COL21A1: variants seen among roughly 807,000 people sequenced by gnomAD.
The protein encoded by COL21A1 is collagen alpha-1(XXI) chain.
Under a neutral mutation model 137.9 loss-of-function variants are expected in COL21A1, and 149 were observed. That is an observed-to-expected ratio of 1.08 (90% CI 0.95 to 1.24). The LOEUF is 1.24. Among genes scored for constraint, COL21A1 ranks in the 50% most tolerant of loss-of-function variants. The probability of loss-of-function intolerance (pLI) is 0.00; values close to 1 mark genes in which losing one functional copy is unlikely to be tolerated. For missense variants in COL21A1, 1,167 were observed against 1,158.4 expected (o/e 1.01, Z -0.11); for synonymous variants, 456 against 391.5 (o/e 1.16, Z -1.95).
intron 12 of COL21A1, among the ~76,000 whole-genome samples, chr6:56,132,312 T>A (rs1773623149): frequency 6.6e-6 from 1 of 151,996 alleles, no homozygotes; most frequent in Non-Finnish European, 1.5e-5. Context: ...TGCAAAGGGA[T>A]CCTAACTGAA....
At chr6:56,169,883 T>G (rs911164704) in intron 5 of COL21A1, among the ~76,000 whole-genome samples, 1 of 151,930 alleles carries the variant, frequency 6.6e-6, no homozygotes, top group African/African-American at 2.4e-5. Context: ...TCTGGCACAC[T>G]GGCTTTAATG....
rs567234250 is a variant in COL21A1, at chr6:56,292,441, G to A, written c.-39+101530C>T. Among the ~76,000 whole-genome samples, 22 of 143,468 alleles carry A rather than the reference G, an allele frequency of 1.5e-4. 1 individual carries two copies. The highest frequency in any genetic ancestry group is 1.1e-3 in the South Asian group (5 of 4,482). 94.1% of individuals were successfully genotyped at this position (143,468 alleles called of 152,430 possible). ...AGTCTGGGTTCTTGAACTCACCAGG[G>A]AAATAGTAAGTCCAGGCATTAAGTT... On this transcript the variant is annotated intron_variant, in intron 1 of 28. Transcript: ENST00000370819.
chr6:56,233,293 C>T (rs1253827976), intron 1 of COL21A1, among the ~76,000 whole-genome samples: 8 of 151,604 alleles, frequency 5.3e-5, no homozygotes, highest in Admixed American at 4.0e-4. Context: ...AAATAGGCAA[C>T]AAATAAGAGT....
At chr6:56,361,879 C>T (rs1319023884) in intron 1 of COL21A1, among the ~76,000 whole-genome samples, 3 of 152,132 alleles carry the variant, frequency 2.0e-5, no homozygotes, top group South Asian at 2.1e-4. Flanking sequence ...GGAAGCACAG[C>T]TCAAAGTGTC....
Position 56,059,114 on chromosome 6 carries a change from T to C in COL21A1, c.2686+51A>G. Reference sequence around the variant, plus strand: ...ATTTCACATAGATCTATGATGACTTTTCTTAAAGCAAAATGAGCAGTAACA... The same window carrying C: ...ATTTCACATAGATCTATGATGACTTCTCTTAAAGCAAAATGAGCAGTAACA... On this transcript the variant is annotated intron_variant, in intron 29 of 29. Coordinates refer to ENST00000244728, the MANE Select transcript of COL21A1 (RefSeq NM_030820.4). 15 of 1,430,986 alleles carry C rather than the reference T, an allele frequency of 1.0e-5. No homozygotes were observed. The South Asian group carries it at 1.8e-4, about 17-fold the overall frequency. The allele number at this position is 1,430,986 out of a possible 1,614,324, so 88.6% of individuals were successfully genotyped here. A position where few individuals can be genotyped will look rare whatever the true frequency, so the allele number is the denominator to read the frequency against.
intron 1 of COL21A1, among the ~76,000 whole-genome samples, chr6:56,382,951 C>G (rs12202464): frequency 0.057 from 8,687 of 152,194 alleles, 333 homozygotes; most frequent in Non-Finnish European, 0.092. Context: ...ACATAGTCCC[C>G]CGACCCATAC....
In COL21A1 at chr6:56,107,046, G is replaced by A. The variant is rs528248404; in HGVS notation, c.1759-5521C>T. Among the ~76,000 whole-genome samples the A allele has an allele frequency of 3.6e-3, 550 of 151,984 alleles. 2 individuals are homozygous for A. Among genetic ancestry groups the A allele is most frequent in the African/African-American group, 0.013 (520 of 41,476 alleles). Reference sequence around the variant, plus strand: ...TCATGATCCACCCACCTCGGCCTCCGAAAGTGCTGGGATTACAGGCGTGAG... The same window carrying A: ...TCATGATCCACCCACCTCGGCCTCCAAAAGTGCTGGGATTACAGGCGTGAG... On this transcript the variant is annotated intron_variant, in intron 16 of 29. Transcript: ENST00000244728.
rs563895852 is a variant in COL21A1 at position 56,176,795 on chromosome 6, G to C, written c.640+2783C>G. On this transcript the variant is annotated intron_variant, in intron 3 of 29. Transcript: ENST00000244728. ...CACTTAAAGATTTGTTAGAAGACTA[G>C]GTTTCATGTTAATGTGTTTTATATG... Among the ~76,000 whole-genome samples the C allele has an allele frequency of 6.8e-4, 103 of 151,280 alleles. 2 individuals carry two copies. In the South Asian group the frequency reaches 0.021, roughly 30 times the overall value.
chr6:56,093,591 A>T (rs1769055872), intron 17 of COL21A1, among the ~76,000 whole-genome samples: 2 of 152,288 alleles, frequency 1.3e-5, no homozygotes, highest in African/African-American at 4.8e-5. Context: ...TGACCTAGGA[A>T]TACCCCTCTG....
At chr6:56,232,123 CAT>C (rs1781608210) in intron 1 of COL21A1, among the ~76,000 whole-genome samples, 2 of 151,758 alleles carry the variant, frequency 1.3e-5, no homozygotes, top group African/African-American at 4.8e-5. Flanking sequence ...TTGGGAAAGA[CAT>C]ATAATTGGGC....
intron 6 of COL21A1, 89 bp downstream of exon 6, chr6:56,168,035 A>T: frequency 1.1e-6 from 1 of 921,248 alleles, no homozygotes. Flanking sequence ...TAAGTATGTT[A>T]AATATGATTA....
chr6:56,319,844 C>T (rs1370312572), intron 1 of COL21A1, among the ~76,000 whole-genome samples: 2 of 152,142 alleles, frequency 1.3e-5, no homozygotes, highest in African/African-American at 2.4e-5. Context: ...AACACCTCTA[C>T]CTTAATTAGA....
chr6:56,146,194 C>T (rs943553275), intron 10 of COL21A1, among the ~76,000 whole-genome samples: 1 of 152,006 alleles, frequency 6.6e-6, no homozygotes, highest in African/African-American at 2.4e-5. Flanking sequence ...GGATGTCACC[C>T]TCCTTTTAAA....
chr6:56,385,397 T>C (rs1040998494), intron 1 of COL21A1, among the ~76,000 whole-genome samples: 17 of 152,154 alleles, frequency 1.1e-4, no homozygotes, highest in African/African-American at 4.1e-4. Context: ...GGAGACACCA[T>C]TTTCTTGCCT....
rs575549377 is a variant in COL21A1, at chr6:56,313,141, A to C, written c.-39+80830T>G. Among the ~76,000 whole-genome samples the C allele has an allele frequency of 3.3e-5, 5 of 152,266 alleles. No individual in the cohort carries two copies. The South Asian group carries it at 1.0e-3, about 32-fold the overall frequency. On this transcript the variant is annotated intron_variant, in intron 1 of 28. Transcript: ENST00000370819. ...GCTAGTAAGGAATTAAAATGGCCAA[A>C]GTACAGGGCAAGTGGAGTGATCTAG... is the stretch of plus-strand genomic sequence containing the variant.
intron 12 of COL21A1, among the ~76,000 whole-genome samples, chr6:56,134,009 C>T (rs1773783295): frequency 6.6e-6 from 1 of 152,174 alleles, no homozygotes; most frequent in South Asian, 2.1e-4. Flanking sequence ...GGTTGGAGCC[C>T]CCAGAGTCCC....
At chr6:56,105,832 C>T (rs189918145) in intron 16 of COL21A1, among the ~76,000 whole-genome samples, 1 of 152,228 alleles carries the variant, frequency 6.6e-6, no homozygotes. Flanking sequence ...TTGTTATAAT[C>T]TCTCCTTTTC....
intron 1 of COL21A1, among the ~76,000 whole-genome samples, chr6:56,366,295 C>G (rs1192886690): frequency 1.3e-5 from 2 of 152,118 alleles, no homozygotes; most frequent in East Asian, 3.9e-4. Flanking sequence ...GCTCTCCCTC[C>G]TCCCATAACA....
chr6:56,104,857 C>CA (rs1237776812), intron 16 of COL21A1, among the ~76,000 whole-genome samples: 5 of 151,832 alleles, frequency 3.3e-5, no homozygotes, highest in African/African-American at 4.8e-5. Context: ...GTATTTACCC[C>CA]AAAAAAATAA....
Sources: gnomAD v4.1 joint callset for allele counts (sites outside exome capture counted in the v4.1 genomes callset) on GRCh38, gnomAD v4.1.1 for gene constraint, MANE v1.5 for transcripts, NCBI Gene and HGNC (gene_info 2026-07-23, HGNC 2026-07-21) for gene names.